The following FRMD5 variants were observed in gnomAD, a reference collection of about 807,000 sequenced individuals.
The protein encoded by FRMD5 is FERM domain containing 5, also known as FERM domain-containing protein 5.
FRMD5 carries 20 observed loss-of-function variants against 69.0 expected under a neutral mutation model. The observed-to-expected ratio is 0.29, with a 90% CI of 0.20 to 0.42. The LOEUF (loss-of-function observed/expected upper bound fraction) is 0.42, where lower values mean the gene tolerates loss of function less well. FRMD5 is among the 10% of genes least tolerant of loss of function. The probability of loss-of-function intolerance (pLI) is 1.00; values close to 1 mark genes in which losing one functional copy is unlikely to be tolerated. For missense variants in FRMD5, 595 were observed against 708.6 expected (o/e 0.84, Z 1.82); for synonymous variants, 271 against 260.1 (o/e 1.04, Z -0.40).
At chr15:44,110,355 G>A (rs979708840) in intron 1 of FRMD5, among the ~76,000 whole-genome samples, 1 of 152,186 alleles carries the variant, frequency 6.6e-6, no homozygotes, top group Non-Finnish European at 1.5e-5. Flanking sequence ...ACCATGCCCA[G>A]CTACGTGCAG....
intron 1 of FRMD5, among the ~76,000 whole-genome samples, chr15:44,181,539 TATA>T (rs2078001018): frequency 4.6e-5 from 7 of 152,278 alleles, no homozygotes; most frequent in African/African-American, 1.4e-4. Flanking sequence ...CATTTTATAG[TATA>T]CAATTAAATG....
At chr15:43,971,863 C>G (rs560168362) in intron 1 of FRMD5, among the ~76,000 whole-genome samples, 101 of 148,876 alleles carry the variant, frequency 6.8e-4, no homozygotes, top group Admixed American at 1.9e-3. Context: ...CCCGCCACCA[C>G]GCCTGGCTAA....
At chr15:43,880,643 G>T (rs1291796729) in intron 13 of FRMD5, among the ~76,000 whole-genome samples, 2 of 152,136 alleles carry the variant, frequency 1.3e-5, no homozygotes, top group African/African-American at 4.8e-5. Flanking sequence ...TTTTACCTGC[G>T]CTGTCCTGCA....
intron 1 of FRMD5, among the ~76,000 whole-genome samples, chr15:43,928,696 T>C (rs898070253): frequency 6.6e-6 from 1 of 152,262 alleles, no homozygotes; most frequent in African/African-American, 2.4e-5. Context: ...TCTTTTCTTT[T>C]GATGAGATGG....
intron 7 of FRMD5, 96 bp from the exon 8 acceptor site, chr15:43,892,165 G>A: frequency 9.6e-7 from 1 of 1,041,882 alleles, no homozygotes; most frequent in African/African-American, 1.6e-5. Context: ...GTTAATACTT[G>A]GCAGTAGGTC....
intron 10 of FRMD5, among the ~76,000 whole-genome samples, chr15:43,886,974 G>T (rs1283123710): frequency 2.0e-5 from 3 of 152,220 alleles, no homozygotes; most frequent in Non-Finnish European, 4.4e-5. Flanking sequence ...TGGGTAGGGA[G>T]ATCTACTCGT....
chr15:44,134,714 T>C (rs2077156736), intron 1 of FRMD5, among the ~76,000 whole-genome samples: 2 of 152,168 alleles, frequency 1.3e-5, no homozygotes, highest in South Asian at 2.1e-4. Context: ...CCTCTCAAAG[T>C]GCTGGGATTA....
At chr15:43,965,576 CTTTTTTTT>C (rs35986581) in intron 1 of FRMD5, among the ~76,000 whole-genome samples, 3 of 110,408 alleles carry the variant, frequency 2.7e-5, no homozygotes, top group Non-Finnish European at 3.8e-5. Flanking sequence ...TTTAAAAAGT[CTTTTTTTT>C]TTTTTTTTTT....
chr15:44,087,785 C>G (rs1894265778), intron 1 of FRMD5, among the ~76,000 whole-genome samples: 1 of 119,706 alleles, frequency 8.4e-6, no homozygotes, highest in African/African-American at 2.9e-5. Context: ...TCATCATCAT[C>G]ATCCCAGGCA....
intron 1 of FRMD5, among the ~76,000 whole-genome samples, chr15:44,112,469 A>AT (rs748146315): frequency 0.062 from 8,721 of 140,928 alleles, 743 homozygotes; most frequent in African/African-American, 0.19. Flanking sequence ...ACCTTCACTG[A>AT]TTTTTTTTTT....
intron 1 of FRMD5, among the ~76,000 whole-genome samples, chr15:44,012,850 T>C (rs1166021448): frequency 7.1e-6 from 1 of 140,298 alleles, no homozygotes; most frequent in African/African-American, 2.6e-5. Context: ...CACTGCAACC[T>C]CTGCTTCCCC....
At chr15:44,049,252 A>T (rs1313449811) in intron 1 of FRMD5, among the ~76,000 whole-genome samples, 1 of 152,154 alleles carries the variant, frequency 6.6e-6, no homozygotes. Context: ...GAAGTAGACC[A>T]CTCATTTGAC....
intron 1 of FRMD5, among the ~76,000 whole-genome samples, chr15:43,977,057 C>T (rs904698927): frequency 6.6e-6 from 1 of 152,134 alleles, no homozygotes; most frequent in African/African-American, 2.4e-5. Flanking sequence ...TGGTCTTGAA[C>T]TCCTGACCTC....
rs369495907 is a variant in FRMD5, at chr15:44,164,366, T to TCACAG, written c.102+30586_102+30587insCTGTG. ...TAACAACACTGACTACTTACCATGT[T>TCACAG]CACATATTATTGGTCATTTTTTTTT... On this transcript the variant is annotated intron_variant, in intron 1 of 13. Transcript: ENST00000417257. 3.9e-3 allele frequency among the ~76,000 whole-genome samples: 597 copies of TCACAG among 152,254 alleles called. 4 individuals carry two copies. The highest frequency in any genetic ancestry group is 0.013 in the African/African-American group (558 of 41,492).
intron 1 of FRMD5, among the ~76,000 whole-genome samples, chr15:44,052,070 C>A (rs1365298948): frequency 6.6e-6 from 1 of 152,020 alleles, no homozygotes; most frequent in Admixed American, 6.6e-5. Context: ...TGTGCTCCAC[C>A]TCCTTGAGAA....
At chr15:44,120,268 G>T (rs573983423) in intron 1 of FRMD5, among the ~76,000 whole-genome samples, 1 of 152,272 alleles carries the variant, frequency 6.6e-6, no homozygotes, top group African/African-American at 2.4e-5. Context: ...GAATAGGAAA[G>T]AACTGTCTAG....
intron 1 of FRMD5, among the ~76,000 whole-genome samples, chr15:44,023,529 C>G (rs1269303712): frequency 6.6e-6 from 1 of 151,988 alleles, no homozygotes; most frequent in Non-Finnish European, 1.5e-5. Flanking sequence ...AGTACAAAAC[C>G]TTTTCATTTA....
intron 1 of FRMD5, among the ~76,000 whole-genome samples, chr15:43,968,455 T>A (rs2090328648): frequency 6.6e-6 from 1 of 152,190 alleles, no homozygotes; most frequent in Non-Finnish European, 1.5e-5. Flanking sequence ...TCAGAAGAAT[T>A]TCCTGGGAAT....
At chr15:44,161,400 G>A (rs943316200) in intron 1 of FRMD5, among the ~76,000 whole-genome samples, 1 of 152,040 alleles carries the variant, frequency 6.6e-6, no homozygotes, top group African/African-American at 2.4e-5. Context: ...GCCTCTTTAG[G>A]ATACCTCATA....
Sources: gnomAD v4.1 joint callset for allele counts (sites outside exome capture counted in the v4.1 genomes callset) on GRCh38, gnomAD v4.1.1 for gene constraint, MANE v1.5 for transcripts, NCBI Gene and HGNC (gene_info 2026-07-23, HGNC 2026-07-21) for gene names.